Variants in ARHGAP26 observed in about 807,000 individuals in gnomAD.
The protein encoded by ARHGAP26 is Rho GTPase activating protein 26.
Under a neutral mutation model 104.8 loss-of-function variants are expected in ARHGAP26, and 38 were observed. That is an observed-to-expected ratio of 0.36 (90% CI 0.28 to 0.48). ARHGAP26 has a LOEUF of 0.48. Ranked by LOEUF, ARHGAP26 falls within the 20% of genes least tolerant of loss-of-function variation. ARHGAP26 has a pLI of 0.99. For missense variants in ARHGAP26, 704 were observed against 947.9 expected (o/e 0.74, Z 3.38); for synonymous variants, 341 against 340.0 (o/e 1.00, Z -0.03).
Position 142,875,132 on chromosome 5 carries a change from C to A in ARHGAP26, c.273C>A (p.Ala91=). 1 of 1,614,140 alleles carries A rather than the reference C, an allele frequency of 6.2e-7. No homozygotes were observed. Among genetic ancestry groups the A allele is most frequent in the Non-Finnish European group, 8.5e-7 (1 of 1,180,006 alleles). ...CAGCAAGATCTTTGCAGGAGTTTGC[C>A]ACTGTCCTCAGGAATCTTGAAGATG... The part of the protein sequence containing the change: ...MCIARSLQEF[A]TVLRNLEDER... The change falls in exon 3 of 23, where the codon GCC becomes GCA. Residue 91 remains alanine, a synonymous_variant. Coordinates refer to ENST00000645722, the MANE Select transcript of ARHGAP26 (RefSeq NM_001135608.3).
chr5:142,958,175 C>T (rs1304803397), intron 11 of ARHGAP26, among the ~76,000 whole-genome samples: 1 of 152,012 alleles, frequency 6.6e-6, no homozygotes, highest in Non-Finnish European at 1.5e-5. Context: ...CCCATTTCTC[C>T]TCCCCCTGGT....
intron 17 of ARHGAP26, among the ~76,000 whole-genome samples, chr5:143,065,218 T>C (rs922894511): frequency 2.0e-5 from 3 of 152,272 alleles, no homozygotes; most frequent in African/African-American, 7.2e-5. Flanking sequence ...TTCTTATACA[T>C]TGGCCTTGGG....
chr5:142,917,772 A>G (rs190797129), intron 10 of ARHGAP26, among the ~76,000 whole-genome samples: 62 of 152,222 alleles, frequency 4.1e-4, no homozygotes, highest in Middle Eastern at 3.4e-3. Context: ...GGCTCAAGCA[A>G]TCTTCCCACC....
chr5:143,024,959 A>G (rs372717017), intron 12 of ARHGAP26, among the ~76,000 whole-genome samples: 1 of 152,194 alleles, frequency 6.6e-6, no homozygotes, highest in Non-Finnish European at 1.5e-5. Flanking sequence ...CTTTGTCTGA[A>G]GGTGGGAATA....
chr5:143,079,318 G>A (rs138603045), intron 17 of ARHGAP26, among the ~76,000 whole-genome samples: 65 of 152,348 alleles, frequency 4.3e-4, no homozygotes, highest in Non-Finnish European at 8.1e-4. Context: ...TTTGGAGACT[G>A]CTAGAGCAGA....
intron 17 of ARHGAP26, among the ~76,000 whole-genome samples, chr5:143,059,575 C>T (rs751529962): frequency 6.6e-6 from 1 of 152,182 alleles, no homozygotes; most frequent in Non-Finnish European, 1.5e-5. Context: ...CCCCTCCAGT[C>T]CCATTACATT....
chr5:142,845,002 G>A (rs974462831), intron 1 of ARHGAP26, among the ~76,000 whole-genome samples: 3 of 152,190 alleles, frequency 2.0e-5, no homozygotes, highest in Non-Finnish European at 4.4e-5. Context: ...CTGGAGGGAT[G>A]CACTTCCTTT....
intron 10 of ARHGAP26, among the ~76,000 whole-genome samples, chr5:142,921,025 G>T (rs1763120007): frequency 6.6e-6 from 1 of 152,168 alleles, no homozygotes; most frequent in Non-Finnish European, 1.5e-5. Context: ...TTACAAATCT[G>T]TAGGACTTTC....
intron 11 of ARHGAP26, among the ~76,000 whole-genome samples, chr5:142,966,924 A>C (rs2152687575): frequency 6.6e-6 from 1 of 152,368 alleles, no homozygotes; most frequent in East Asian, 1.9e-4. Flanking sequence ...TGAATGCAGA[A>C]AAATGCTTAG....
At chr5:143,034,989 C>G (rs1782407171) in intron 12 of ARHGAP26, among the ~76,000 whole-genome samples, 1 of 152,166 alleles carries the variant, frequency 6.6e-6, no homozygotes, top group South Asian at 2.1e-4. Context: ...GGCTCCTTAC[C>G]ATTTTAAGGG....
At chr5:142,957,669 C>T (rs1317933736) in intron 11 of ARHGAP26, among the ~76,000 whole-genome samples, 1 of 152,232 alleles carries the variant, frequency 6.6e-6, no homozygotes, top group African/African-American at 2.4e-5. Flanking sequence ...TACCGTGTGC[C>T]AGGAAGCCTC....
In ARHGAP26 at chr5:143,056,923, T is replaced by G. The variant is rs114782187; in HGVS notation, c.1433-719T>G. Among the ~76,000 whole-genome samples, 338 of 152,302 alleles carry G rather than the reference T, an allele frequency of 2.2e-3. 1 individual carries two copies. Among genetic ancestry groups the G allele is most frequent in the African/African-American group, 7.7e-3 (322 of 41,576 alleles). ...AGAAAGCCAGGAGCGAAGATGGTGT[T>G]TATGTCATTTCTTTCTAGAGAAATT... On this transcript the variant is annotated intron_variant, in intron 16 of 22. Coordinates refer to ENST00000645722, the MANE Select transcript of ARHGAP26 (RefSeq NM_001135608.3).
intron 4 of ARHGAP26, among the ~76,000 whole-genome samples, chr5:142,882,134 T>C (rs372426289): frequency 1.5e-4 from 23 of 152,052 alleles, no homozygotes; most frequent in African/African-American, 5.6e-4. Context: ...GCGTAGAGAG[T>C]GGGTCTACAG....
intron 12 of ARHGAP26, among the ~76,000 whole-genome samples, chr5:143,014,968 CA>C (rs1160398245): frequency 1.2e-4 from 18 of 152,110 alleles, no homozygotes; most frequent in African/African-American, 4.1e-4. Flanking sequence ...CCATGTGGAC[CA>C]AAGGATGAAG....
intron 20 of ARHGAP26, among the ~76,000 whole-genome samples, chr5:143,197,329 C>T (rs951351581): frequency 2.6e-5 from 4 of 152,174 alleles, no homozygotes; most frequent in South Asian, 4.1e-4. Context: ...TTACACCCCT[C>T]CTGCAGCAAA....
chr5:142,789,258 A>G (rs866273710), intron 1 of ARHGAP26, among the ~76,000 whole-genome samples: 8 of 152,266 alleles, frequency 5.3e-5, no homozygotes, highest in Non-Finnish European at 1.0e-4. Context: ...GTGAGATAGT[A>G]ATAGTATAGA....
At chr5:143,213,841 T>G (rs1809899893) in intron 21 of ARHGAP26, among the ~76,000 whole-genome samples, 156 bp from the exon 22 acceptor site, 1 of 152,210 alleles carries the variant, frequency 6.6e-6, no homozygotes, top group African/African-American at 2.4e-5. Flanking sequence ...TTTGCAGCTT[T>G]CCCACCTCAT....
At chr5:143,035,666 T>C (rs246630) in intron 12 of ARHGAP26, among the ~76,000 whole-genome samples, 13,786 of 152,112 alleles carry the variant, frequency 0.091, 841 homozygotes, top group South Asian at 0.28. Flanking sequence ...CCAGGTGCGG[T>C]GGCTCACGCC....
chr5:142,899,842 A>G (rs1244717960), intron 6 of ARHGAP26, among the ~76,000 whole-genome samples: 6 of 152,182 alleles, frequency 3.9e-5, no homozygotes, highest in African/African-American at 1.4e-4. Flanking sequence ...AAAGGAGGAA[A>G]AACAAAATAA....
Sources: allele counts gnomAD v4.1 joint callset (sites outside exome capture counted in the v4.1 genomes callset), GRCh38; gene constraint gnomAD v4.1.1; transcripts MANE v1.5; gene names NCBI Gene and HGNC (gene_info 2026-07-23, HGNC 2026-07-21).